Variants in ORC5 observed in about 807,000 individuals in gnomAD.
The protein encoded by ORC5 is protein phosphatase 1, regulatory subunit 117.
A neutral mutation model predicts 58.8 loss-of-function variants in ORC5; 39 were observed. The ratio of observed to expected loss-of-function variants is 0.66; its 90% CI spans 0.51 to 0.87. ORC5 has a LOEUF of 0.87. ORC5 is among the 40% of genes least tolerant of loss of function. ORC5 has a pLI of 0.00. For missense variants in ORC5, 493 were observed against 506.3 expected, an observed-to-expected ratio of 0.97 and a Z score of 0.25; for synonymous variants, 218 against 177.6, an observed-to-expected ratio of 1.23 and a Z score of -1.81.
chr7:104,168,127 A>G (rs1799138574), intron 9 of ORC5: 1 of 361,450 alleles, frequency 2.8e-6, no homozygotes, highest in Non-Finnish European at 4.2e-6. Flanking sequence ...ATAAAATTAC[A>G]TTTTATTCCA....
intron 8 of ORC5, among the ~76,000 whole-genome samples, chr7:104,182,743 G>A (rs900594535): frequency 5.3e-5 from 8 of 152,124 alleles, no homozygotes; most frequent in Admixed American, 5.2e-4. Context: ...TTAAGCGGAG[G>A]TTCACAGTTC....
At position 104,207,976 on chromosome 7, in the gene ORC5, G is replaced by T; in HGVS notation, c.-72C>A. 7.1e-7 allele frequency: 1 copy of T among 1,412,868 alleles called. No individual in the cohort carries two copies. The highest frequency in any genetic ancestry group is 1.2e-5 in the South Asian group (1 of 85,664). 87.5% of individuals were successfully genotyped at this position (1,412,868 alleles called of 1,614,324 possible). A position where few individuals can be genotyped will look rare whatever the true frequency, so the allele number is the denominator to read the frequency against. ...CCTTGCACAAGACGGAGCCTCTCCC[G>T]AGTCTGGCGGCCCACGCTCCCGCCG... On this transcript the variant is annotated 5_prime_UTR_variant, in exon 1 of 14. Transcript: ENST00000297431.
chr7:104,178,003 C>T (rs1799357832), intron 8 of ORC5, among the ~76,000 whole-genome samples: 1 of 152,140 alleles, frequency 6.6e-6, no homozygotes, highest in South Asian at 2.1e-4. Flanking sequence ...CAAGTCTTTG[C>T]TATTGTGAAT....
chr7:104,152,268 C>A (rs1798858293), intron 12 of ORC5, among the ~76,000 whole-genome samples: 1 of 152,132 alleles, frequency 6.6e-6, no homozygotes, highest in Admixed American at 6.5e-5. Context: ...CCACCTCAGC[C>A]TTCAGAGTGG....
At chr7:104,149,813 A>G (rs867103714) in intron 12 of ORC5, among the ~76,000 whole-genome samples, 37 of 152,240 alleles carry the variant, frequency 2.4e-4, no homozygotes, top group African/African-American at 8.2e-4. Flanking sequence ...CAAAAGCCAC[A>G]GTATATATTC....
intron 8 of ORC5, 26 bp from the exon 9 acceptor site, chr7:104,168,551 T>C (rs371328710): frequency 1.4e-6 from 2 of 1,404,244 alleles, no homozygotes; most frequent in Non-Finnish European, 2.0e-6. Flanking sequence ...AGAGCAAAAA[T>C]GAATTAAAAA....
intron 6 of ORC5, among the ~76,000 whole-genome samples, chr7:104,185,110 C>T (rs1012554630): frequency 8.0e-5 from 12 of 150,422 alleles, no homozygotes; most frequent in Middle Eastern, 3.2e-3. Flanking sequence ...AATTTGTATG[C>T]AATAGCTAAT....
intron 5 of ORC5, among the ~76,000 whole-genome samples, chr7:104,192,358 C>T (rs188139356): frequency 5.3e-4 from 80 of 152,200 alleles, no homozygotes; most frequent in African/African-American, 1.9e-3. Flanking sequence ...TATGTCAATT[C>T]CCAGAAATCA....
At position 104,188,390 on chromosome 7, in the gene ORC5, A is replaced by C; in HGVS notation, c.554-9T>G. Reference sequence around the variant, plus strand: ...GATCTTTTGAAGGTTGCCTGTTCACAGGACACAAAATAACTTATAATGATT... The same window carrying C: ...GATCTTTTGAAGGTTGCCTGTTCACCGGACACAAAATAACTTATAATGATT... On this transcript the variant is annotated splice_polypyrimidine_tract_variant and intron_variant, in intron 5 of 13. Coordinates refer to ENST00000297431, the MANE Select transcript of ORC5 (RefSeq NM_002553.4). 6.2e-7 allele frequency: 1 copy of C among 1,604,024 alleles called. No homozygotes were observed. The highest frequency in any genetic ancestry group is 1.1e-5 in the South Asian group (1 of 90,390).
At chr7:104,172,101 T>C (rs1351635951) in intron 8 of ORC5, among the ~76,000 whole-genome samples, 1 of 152,228 alleles carries the variant, frequency 6.6e-6, no homozygotes, top group Non-Finnish European at 1.5e-5. Context: ...GCCCTGTTGG[T>C]TTCAGTTGTT....
At chr7:104,180,881 T>C (rs1009757170) in intron 8 of ORC5, among the ~76,000 whole-genome samples, 1 of 152,220 alleles carries the variant, frequency 6.6e-6, no homozygotes, top group Admixed American at 6.5e-5. Flanking sequence ...CTGATTATGG[T>C]AAACTTTCAT....
Position 104,200,252 on chromosome 7 carries a change from G to A in ORC5, c.366+506C>T, listed in dbSNP as rs530876473. Among the ~76,000 whole-genome samples the A allele has an allele frequency of 3.9e-5, 6 of 152,242 alleles. No individual in the cohort carries two copies. In the East Asian group the frequency reaches 9.7e-4, roughly 25 times the overall value. On this transcript the variant is annotated intron_variant, in intron 3 of 13. Transcript: ENST00000297431. ...CTATCCACTCCCTAAGAAATTAAATGAAGTGCTTTAGTATAGTTTTCTAGA... is the reference window on the plus strand; with the variant it reads ...CTATCCACTCCCTAAGAAATTAAATAAAGTGCTTTAGTATAGTTTTCTAGA...
At chr7:104,179,647 T>C (rs542287504) in intron 8 of ORC5, among the ~76,000 whole-genome samples, 20 of 152,150 alleles carry the variant, frequency 1.3e-4, no homozygotes, top group African/African-American at 4.8e-4. Flanking sequence ...GCAGTTTTTT[T>C]TGTTGTTTTT....
At chr7:104,180,603 T>TG (rs956426136) in intron 8 of ORC5, among the ~76,000 whole-genome samples, 98 of 151,766 alleles carry the variant, frequency 6.5e-4, no homozygotes, top group African/African-American at 2.3e-3. Context: ...AGAACTAACT[T>TG]GGATTTTCTA....
At position 104,140,403 on chromosome 7, in the gene ORC5, G is replaced by A. The variant is rs1043037295; in HGVS notation, c.1150-3510C>T. Among the ~76,000 whole-genome samples the A allele has an allele frequency of 2.0e-5, 3 of 151,614 alleles. No individual in the cohort carries two copies. The East Asian group carries it at 5.8e-4, about 29-fold the overall frequency. The stretch of plus-strand genomic sequence containing the variant: ...TATCTCTTTTTACTTTCACTACCTT[G>A]TAAGTAGTTCTATAGTCCTTTTAAT... On this transcript the variant is annotated intron_variant, in intron 12 of 13. Transcript: ENST00000297431.
chr7:104,155,583 T>C (rs867975203), intron 12 of ORC5, among the ~76,000 whole-genome samples: 12 of 151,610 alleles, frequency 7.9e-5, no homozygotes, highest in South Asian at 4.1e-4. Context: ...AAAATGCAAA[T>C]TGATCGAAGC....
chr7:104,144,822 T>A (rs994178193), intron 12 of ORC5, among the ~76,000 whole-genome samples: 1 of 152,236 alleles, frequency 6.6e-6, no homozygotes, highest in African/African-American at 2.4e-5. Context: ...CCACTTTAAA[T>A]GTTCATGACA....
At chr7:104,201,370 G>A (rs1446029291) in intron 2 of ORC5, among the ~76,000 whole-genome samples, 1 of 152,082 alleles carries the variant, frequency 6.6e-6, no homozygotes, top group Admixed American at 6.5e-5. Context: ...AGGTGGTAAA[G>A]GCCCTGGTGT....
chr7:104,152,238 T>G (rs934420111), intron 12 of ORC5, among the ~76,000 whole-genome samples: 1 of 152,120 alleles, frequency 6.6e-6, no homozygotes, highest in Non-Finnish European at 1.5e-5. Flanking sequence ...AGTCTTGACC[T>G]CCTGACTCAA....
Sources: allele counts gnomAD v4.1 joint callset (sites outside exome capture counted in the v4.1 genomes callset), GRCh38; gene constraint gnomAD v4.1.1; transcripts MANE v1.5; gene names NCBI Gene and HGNC (gene_info 2026-07-23, HGNC 2026-07-21).